PTPRT: variants seen among roughly 807,000 people sequenced by gnomAD.
PTPRT encodes protein tyrosine phosphatase receptor type T.
In PTPRT, 56 loss-of-function variants were observed where a neutral mutation model predicts 176.8. The ratio of observed to expected loss-of-function variants is 0.32; its 90% CI spans 0.26 to 0.40. The LOEUF (loss-of-function observed/expected upper bound fraction) is 0.40, where lower values mean the gene tolerates loss of function less well. PTPRT is among the 10% of genes least tolerant of loss of function. PTPRT has a pLI of 1.00. For missense variants in PTPRT, 1,540 were observed against 1,908.2 expected, an observed-to-expected ratio of 0.81 and a Z score of 3.60; for synonymous variants, 783 against 739.0, an observed-to-expected ratio of 1.06 and a Z score of -0.96.
intron 7 of PTPRT, among the ~76,000 whole-genome samples, chr20:42,510,678 T>C (rs1340271541): frequency 6.6e-6 from 1 of 152,032 alleles, no homozygotes; most frequent in Non-Finnish European, 1.5e-5. Context: ...GGCAAGAATA[T>C]ACATACAAAT....
chr20:42,199,115 C>A, intron 16 of PTPRT, 125 bp downstream of exon 16: 4 of 1,136,556 alleles, frequency 3.5e-6, no homozygotes, highest in Non-Finnish European at 4.9e-6. Flanking sequence ...CATCCCAGTC[C>A]ATATCAGGCA....
At chr20:42,275,115 C>A (rs2057007261) in intron 13 of PTPRT, among the ~76,000 whole-genome samples, 1 of 152,202 alleles carries the variant, frequency 6.6e-6, no homozygotes, top group Non-Finnish European at 1.5e-5. Context: ...AAGTGTCAGG[C>A]TTTACTTCTG....
rs552985221 is a variant in PTPRT at position 43,189,006 on chromosome 20, C to T, written c.88+640G>A. 6.6e-6 allele frequency among the ~76,000 whole-genome samples: 1 copy of T among 152,222 alleles called. No homozygotes were observed. Among genetic ancestry groups the T allele is most frequent in the South Asian group, 2.1e-4 (1 of 4,834 alleles). On this transcript the variant is annotated intron_variant, in intron 1 of 30. Transcript: ENST00000373187. The surrounding 1 kb of genome is among the most constrained non-coding windows in gnomAD (Gnocchi z 5.0). ...GGTCAAATCCACTCCCCTCCAAGGG[C>T]CTTAACACGGGCGCCCAGCTACCTC... is the stretch of plus-strand genomic sequence containing the variant.
intron 7 of PTPRT, among the ~76,000 whole-genome samples, chr20:42,520,235 A>G (rs2072146113): frequency 6.6e-6 from 1 of 152,120 alleles, no homozygotes; most frequent in East Asian, 1.9e-4. Context: ...AAAATATAGT[A>G]TAACTATAGA....
At chr20:42,110,213 A>C (rs1318347354) in intron 23 of PTPRT, 120 bp downstream of exon 23, 2 of 919,490 alleles carry the variant, frequency 2.2e-6, no homozygotes, top group African/African-American at 1.7e-5. Context: ...TGACCAGCTA[A>C]GTTTTTGTAT....
intron 1 of PTPRT, among the ~76,000 whole-genome samples, chr20:42,985,672 G>A (rs1357853608): frequency 6.6e-6 from 1 of 151,900 alleles, no homozygotes; most frequent in Non-Finnish European, 1.5e-5. Context: ...ATAGAATGAA[G>A]GTGGTAAATA....
chr20:42,184,081 C>G lies in PTPRT; in HGVS notation c.2491+15159G>C, dbSNP rs986499646. 9.2e-5 allele frequency among the ~76,000 whole-genome samples: 14 copies of G among 152,260 alleles called. No individual in the cohort carries two copies. In the East Asian group the frequency reaches 9.7e-4, roughly 11 times the overall value. ...CTGACAGATGCCACCTAAGGAAGAA[C>G]TGAGGTCCCAGACATGTTGTCCTAC... is the stretch of plus-strand genomic sequence containing the variant. On this transcript the variant is annotated intron_variant, in intron 16 of 30. Transcript: ENST00000373187.
rs1238684122 is a variant in PTPRT at position 42,079,913 on chromosome 20, C to T, written c.*966G>A. ...GAGATTTGTCTTAGAGGTACATACTCAAACTCCCCCGCCCCCTTCTTTTTG... is the reference window on the plus strand; with the variant it reads ...GAGATTTGTCTTAGAGGTACATACTTAAACTCCCCCGCCCCCTTCTTTTTG... On this transcript the variant is annotated 3_prime_UTR_variant, in exon 31 of 31. Transcript: ENST00000373187. 1 of 232,496 alleles carries T rather than the reference C, an allele frequency of 4.3e-6. No homozygotes were observed. Among genetic ancestry groups the T allele is most frequent in the Admixed American group, 5.6e-5 (1 of 17,744 alleles). 14.4% of individuals were successfully genotyped at this position (232,496 alleles called of 1,614,324 possible).
intron 17 of PTPRT, among the ~76,000 whole-genome samples, chr20:42,155,537 T>C (rs937522491): frequency 2.6e-5 from 4 of 152,290 alleles, no homozygotes; most frequent in African/African-American, 9.6e-5. Flanking sequence ...TGCATAAATG[T>C]GGAAATGGAG....
intron 9 of PTPRT, among the ~76,000 whole-genome samples, chr20:42,441,452 G>T (rs1043701095): frequency 6.6e-6 from 1 of 152,220 alleles, no homozygotes; most frequent in Non-Finnish European, 1.5e-5. Context: ...AAGAGGAGCG[G>T]CAGGTGAAGA....
chr20:42,297,178 C>T (rs531852587), intron 12 of PTPRT, among the ~76,000 whole-genome samples: 2 of 152,090 alleles, frequency 1.3e-5, no homozygotes, highest in East Asian at 3.9e-4. Flanking sequence ...AAATCCACAG[C>T]TAACAAAGAA....
chr20:42,533,432 G>A (rs2072421195), intron 7 of PTPRT, among the ~76,000 whole-genome samples: 1 of 152,192 alleles, frequency 6.6e-6, no homozygotes, highest in Non-Finnish European at 1.5e-5. Context: ...AAGGAACCAT[G>A]ATGTCTTTCA....
At chr20:42,602,154 G>A (rs1430134106) in intron 7 of PTPRT, among the ~76,000 whole-genome samples, 1 of 152,156 alleles carries the variant, frequency 6.6e-6, no homozygotes, top group Non-Finnish European at 1.5e-5. Flanking sequence ...TTTAGTGGGT[G>A]GCTTTTCCCA....
At chr20:42,373,649 C>G (rs375659037) in intron 9 of PTPRT, among the ~76,000 whole-genome samples, 1 of 152,174 alleles carries the variant, frequency 6.6e-6, no homozygotes, top group South Asian at 2.1e-4. Flanking sequence ...CATATAGAGG[C>G]GTCTCATTCG....
intron 22 of PTPRT, among the ~76,000 whole-genome samples, chr20:42,113,751 C>A (rs1017258751): frequency 6.6e-6 from 1 of 152,184 alleles, no homozygotes; most frequent in Admixed American, 6.5e-5. Context: ...TGATATACCT[C>A]ATGTTTCTGA....
At chr20:42,735,257 A>G (rs2076521742) in intron 6 of PTPRT, among the ~76,000 whole-genome samples, 1 of 152,132 alleles carries the variant, frequency 6.6e-6, no homozygotes, top group Non-Finnish European at 1.5e-5. Context: ...ACTGACTGTA[A>G]GAACTGTGAT....
rs183768198 is a variant in PTPRT at position 42,889,055 on chromosome 20, C to T, written c.89-3123G>A. On this transcript the variant is annotated intron_variant, in intron 1 of 30. Coordinates refer to ENST00000373187, the MANE Select transcript of PTPRT (RefSeq NM_007050.6). ...GGCAAGGTCACATTAACACTTGCCCCTAGTCCGTTGGATCCATTGCCCACC... is the reference window on the plus strand; with the variant it reads ...GGCAAGGTCACATTAACACTTGCCCTTAGTCCGTTGGATCCATTGCCCACC... Among the ~76,000 whole-genome samples, 236 of 152,278 alleles carry T rather than the reference C, an allele frequency of 1.5e-3. 3 individuals are homozygous for T. The highest frequency in any genetic ancestry group is 5.6e-3 in the African/African-American group (231 of 41,536).
At chr20:42,063,187 G>C in the PTPRT span, among the ~76,000 whole-genome samples, 1 of 151,986 alleles carries the variant, frequency 6.6e-6, no homozygotes, top group Non-Finnish European at 1.5e-5. Flanking sequence ...ATTGTCTTTG[G>C]TTTTTGTGAC....
chr20:42,110,282 C>T, intron 23 of PTPRT, 51 bp downstream of exon 23: 1 of 1,533,292 alleles, frequency 6.5e-7, no homozygotes, highest in Non-Finnish European at 8.8e-7. Context: ...GAACTCCTGA[C>T]CTCGTGATCT....
Sources: allele counts gnomAD v4.1 joint callset (sites outside exome capture counted in the v4.1 genomes callset), GRCh38; gene constraint gnomAD v4.1.1; non-coding constraint Gnocchi (gnomAD v3.1); transcripts MANE v1.5; gene names NCBI Gene and HGNC (gene_info 2026-07-23, HGNC 2026-07-21).